The following LIMCH1 variants were observed in gnomAD, a reference collection of about 807,000 sequenced individuals.
LIMCH1 encodes the protein LIM and calponin homology domains-containing protein 1.
Under a neutral mutation model 176.5 loss-of-function variants are expected in LIMCH1, and 113 were observed. The ratio of observed to expected loss-of-function variants is 0.64; its 90% CI spans 0.55 to 0.75. LIMCH1 has a LOEUF of 0.75. Among genes scored for constraint, LIMCH1 ranks in the 30% least tolerant of loss-of-function variants. The pLI, the probability that LIMCH1 is intolerant of heterozygous loss-of-function variation, is 0.00. For synonymous variants in LIMCH1, 619 were observed against 645.9 expected (o/e 0.96, Z 0.63); for missense variants, 1,674 against 1,814.9 (o/e 0.92, Z 1.41).
intron 1 of LIMCH1, among the ~76,000 whole-genome samples, chr4:41,541,265 T>C (rs1382800195): frequency 6.6e-6 from 1 of 152,168 alleles, no homozygotes; most frequent in African/African-American, 2.4e-5. Context: ...TATTAGACCC[T>C]TAGAGTCCCA....
intron 1 of LIMCH1, 51 bp from the exon 2 acceptor site, chr4:41,598,869 A>G (rs765448603): frequency 3.5e-5 from 44 of 1,252,930 alleles, no homozygotes; most frequent in Non-Finnish European, 4.9e-5. Flanking sequence ...GGGCTGGTTC[A>G]TAAAGATAAT....
intron 1 of LIMCH1, among the ~76,000 whole-genome samples, chr4:41,487,848 T>G (rs2154171289): frequency 6.6e-6 from 1 of 151,732 alleles, no homozygotes; most frequent in Non-Finnish European, 1.5e-5. Flanking sequence ...GAGACGGGGT[T>G]TCACCGTGTT....
At chr4:41,648,279 A>T (rs1041431122) in intron 17 of LIMCH1, among the ~76,000 whole-genome samples, 6 of 152,190 alleles carry the variant, frequency 3.9e-5, no homozygotes, top group African/African-American at 1.2e-4. Flanking sequence ...CCTTTATCTA[A>T]ATAGTGCAAA....
At chr4:41,465,621 G>A (rs1242418439) in intron 1 of LIMCH1, among the ~76,000 whole-genome samples, 1 of 152,172 alleles carries the variant, frequency 6.6e-6, no homozygotes, top group African/African-American at 2.4e-5. Flanking sequence ...CACATGGAGG[G>A]CTGGATCAGC....
At chr4:41,660,537 AGT>A in intron 18 of LIMCH1, among the ~76,000 whole-genome samples, 1 of 152,216 alleles carries the variant, frequency 6.6e-6, no homozygotes, top group East Asian at 1.9e-4. Flanking sequence ...TATGAAAACT[AGT>A]ATGTTAGAAA....
At chr4:41,540,748 AG>A (rs1212061159) in intron 1 of LIMCH1, among the ~76,000 whole-genome samples, 1 of 152,136 alleles carries the variant, frequency 6.6e-6, no homozygotes, top group Non-Finnish European at 1.5e-5. Context: ...AATGGATTTC[AG>A]GGGGAAAATG....
At chr4:41,389,620 A>G (rs1475470840) in intron 1 of LIMCH1, 1 of 152,418 alleles carries the variant, frequency 6.6e-6, no homozygotes, top group Non-Finnish European at 1.5e-5. Context: ...TTCAGTGAAG[A>G]TCATTTGACA....
chr4:41,676,343 A>G lies in LIMCH1; in HGVS notation c.3439-39A>G, dbSNP rs373687959. The G allele has an allele frequency of 3.9e-6, 6 of 1,554,750 alleles. No individual in the cohort carries two copies. In the African/African-American group the frequency reaches 5.4e-5, roughly 14 times the overall value. ...TTCACCCGGCCTGTCCCTTGAGGAC[A>G]TGGCTCAATTCTGATCATGGTTTCA... is the stretch of plus-strand genomic sequence containing the variant. On this transcript the variant is annotated intron_variant, in intron 22 of 31. Transcript: ENST00000503057.
In LIMCH1 at chr4:41,697,255, A is replaced by G; in HGVS notation, c.*70A>G. 1 of 1,451,458 alleles carries G rather than the reference A, an allele frequency of 6.9e-7. No homozygotes were observed. Among genetic ancestry groups the G allele is most frequent in the Non-Finnish European group, 9.7e-7 (1 of 1,033,572 alleles). The allele number at this position is 1,451,458 out of a possible 1,614,324, so 89.9% of individuals were successfully genotyped here. On this transcript the variant is annotated 3_prime_UTR_variant, in exon 32 of 32. Transcript: ENST00000503057. ...AGTGTCCCCTGGCAACTGCTTAACA[A>G]AATCCCAAGCTCAGGGGCTTCTCAG...
chr4:41,388,486 T>G (rs2056784813), intron 1 of LIMCH1, among the ~76,000 whole-genome samples: 1 of 152,344 alleles, frequency 6.6e-6, no homozygotes, highest in African/African-American at 2.4e-5. Flanking sequence ...GGTGTAACCA[T>G]TAACTGCTCA....
chr4:41,435,158 G>T (rs2061955560), intron 1 of LIMCH1, among the ~76,000 whole-genome samples: 1 of 152,104 alleles, frequency 6.6e-6, no homozygotes, highest in African/African-American at 2.4e-5. Flanking sequence ...ATCAGAAGCA[G>T]AAAAAGAGGA....
At chr4:41,399,906 T>A (rs1406136860) in intron 1 of LIMCH1, among the ~76,000 whole-genome samples, 12 of 148,684 alleles carry the variant, frequency 8.1e-5, no homozygotes, top group East Asian at 7.9e-4. Flanking sequence ...ATGGTCTTGA[T>A]CTCCTGACCT....
chr4:41,361,907 C>G (rs1410885888), intron 1 of LIMCH1, among the ~76,000 whole-genome samples: 1 of 152,136 alleles, frequency 6.6e-6, no homozygotes, highest in Non-Finnish European at 1.5e-5. Flanking sequence ...TGAATTTGGC[C>G]TTGTTTCCCT....
At chr4:41,598,178 C>T (rs2089268593) in intron 1 of LIMCH1, among the ~76,000 whole-genome samples, 1 of 152,120 alleles carries the variant, frequency 6.6e-6, no homozygotes, top group African/African-American at 2.4e-5. Context: ...AAGGATGACC[C>T]ACAATTTGCA....
At chr4:41,497,619 C>T (rs2072432061) in intron 2 of LIMCH1, among the ~76,000 whole-genome samples, 1 of 152,082 alleles carries the variant, frequency 6.6e-6, no homozygotes, top group Non-Finnish European at 1.5e-5. Flanking sequence ...GCCTGGTCAA[C>T]ATGGTGAAAT....
At chr4:41,559,711 T>C (rs2152547175) in intron 1 of LIMCH1, among the ~76,000 whole-genome samples, 1 of 152,284 alleles carries the variant, frequency 6.6e-6, no homozygotes, top group South Asian at 2.1e-4. Context: ...TTTGATACCA[T>C]TGGTCAGTCA....
intron 1 of LIMCH1, among the ~76,000 whole-genome samples, chr4:41,597,532 G>A (rs1203886975): frequency 1.3e-5 from 2 of 152,162 alleles, no homozygotes; most frequent in Admixed American, 6.5e-5. Context: ...TGGACATGGT[G>A]TAACTGGATT....
At position 41,415,649 on chromosome 4, in the gene LIMCH1, A is replaced by G. The variant is rs139473717; in HGVS notation, c.96+54713A>G. On this transcript the variant is annotated intron_variant, in intron 1 of 26. Transcript: ENST00000313860. ...CTTGGTTAGCTATTGTCCTTTATCTATGTGTCTGGTACTGCTATTTGTGTA... is the reference window on the plus strand; with the variant it reads ...CTTGGTTAGCTATTGTCCTTTATCTGTGTGTCTGGTACTGCTATTTGTGTA... Among the ~76,000 whole-genome samples the G allele has an allele frequency of 4.9e-3, 748 of 152,102 alleles. 10 individuals are homozygous for G. Among genetic ancestry groups the G allele is most frequent in the African/African-American group, 0.017 (700 of 41,474 alleles).
intron 1 of LIMCH1, among the ~76,000 whole-genome samples, chr4:41,460,458 C>CTTTATA (rs372751468): frequency 3.6e-5 from 4 of 110,546 alleles, no homozygotes; most frequent in African/African-American, 1.6e-4. Flanking sequence ...TAGTAATCAT[C>CTTTATA]TATATATATA....
Sources: gnomAD v4.1 joint callset for allele counts (sites outside exome capture counted in the v4.1 genomes callset) on GRCh38, gnomAD v4.1.1 for gene constraint, MANE v1.5 for transcripts, NCBI Gene and HGNC (gene_info 2026-07-23, HGNC 2026-07-21) for gene names.